AAK1: variants seen among roughly 807,000 people sequenced by gnomAD.
AAK1 encodes AP2 associated kinase 1.
AAK1 carries 37 observed loss-of-function variants against 116.0 expected under a neutral mutation model. The observed-to-expected ratio is 0.32, with a 90% confidence interval of 0.25 to 0.42. The LOEUF (loss-of-function observed/expected upper bound fraction) is 0.42. AAK1 is among the 10% of genes least tolerant of loss of function. AAK1 has a pLI of 1.00. For missense variants in AAK1, 919 were observed against 1,170.6 expected, an observed-to-expected ratio of 0.79 and a Z score of 3.14; for synonymous variants, 458 against 439.9, an observed-to-expected ratio of 1.04 and a Z score of -0.51.
At position 69,474,862 on chromosome 2, in the gene AAK1, G is replaced by C; in HGVS notation, c.*1007C>G. 1.3e-5 allele frequency: 13 copies of C among 985,698 alleles called. No individual in the cohort carries two copies. The highest frequency in any genetic ancestry group is 1.4e-5 in the Non-Finnish European group (12 of 829,884). The allele number at this position is 985,698 out of a possible 1,614,324, so 61.1% of individuals were successfully genotyped here. On this transcript the variant is annotated 3_prime_UTR_variant, in exon 22 of 22. Coordinates refer to ENST00000409085, the MANE Select transcript of AAK1 (RefSeq NM_014911.5). ...AGACTTGAAATGCCAAGTGGAAACA[G>C]AACTATTCAGCATCTTCATTTATAC...
chr2:69,491,914 A>C (rs1675537188), intron 17 of AAK1, among the ~76,000 whole-genome samples: 1 of 152,154 alleles, frequency 6.6e-6, no homozygotes, highest in Admixed American at 6.5e-5. Flanking sequence ...CCAAAGCCTT[A>C]AATTTAGCTC....
At chr2:69,514,884 T>TA (rs1328688380) in intron 12 of AAK1, 135 bp from the exon 13 acceptor site, 18 of 953,692 alleles carry the variant, frequency 1.9e-5, no homozygotes, top group Admixed American at 3.1e-5. Flanking sequence ...AGGCTAGGCC[T>TA]AAAATCTCAT....
chr2:69,486,498 A>G (rs1675307542), intron 17 of AAK1, among the ~76,000 whole-genome samples: 1 of 152,084 alleles, frequency 6.6e-6, no homozygotes, highest in South Asian at 2.1e-4. Flanking sequence ...CTGCAGACAG[A>G]ACAATACCAG....
At chr2:69,502,413 G>C (rs1409998231) in intron 16 of AAK1, among the ~76,000 whole-genome samples, 1 of 152,000 alleles carries the variant, frequency 6.6e-6, no homozygotes, top group Non-Finnish European at 1.5e-5. Flanking sequence ...CCTGAGGTCA[G>C]GAGTTCAAGA....
intron 2 of AAK1, among the ~76,000 whole-genome samples, chr2:69,559,298 A>ACACACACT (rs1265191761): frequency 4.1e-4 from 32 of 78,374 alleles, no homozygotes; most frequent in Non-Finnish European, 2.6e-4. Context: ...ACACACACAC[A>ACACACACT]CTCTCTCTCT....
chr2:69,485,985 T>C (rs1412812850), intron 17 of AAK1, among the ~76,000 whole-genome samples: 4 of 151,458 alleles, frequency 2.6e-5, no homozygotes, highest in Admixed American at 1.3e-4. Context: ...GACAGGATAG[T>C]GCTCTGCCAC....
chr2:69,634,392 C>A (rs1675357458), intron 2 of AAK1, among the ~76,000 whole-genome samples: 1 of 152,182 alleles, frequency 6.6e-6, no homozygotes, highest in Non-Finnish European at 1.5e-5. Flanking sequence ...TCTACCTCTG[C>A]AGGGATGACG....
intron 13 of AAK1, among the ~76,000 whole-genome samples, chr2:69,510,842 G>T (rs544243164): frequency 5.9e-5 from 9 of 152,172 alleles, no homozygotes; most frequent in Non-Finnish European, 1.0e-4. Context: ...AACTGGCAGA[G>T]AATATAAGAA....
chr2:69,624,523 A>G (rs1342418995), intron 2 of AAK1, among the ~76,000 whole-genome samples: 1 of 152,206 alleles, frequency 6.6e-6, no homozygotes, highest in Non-Finnish European at 1.5e-5. Flanking sequence ...AACAATGACA[A>G]TCTATGGGAC....
intron 3 of AAK1, among the ~76,000 whole-genome samples, chr2:69,547,460 T>C (rs771969074): frequency 5.3e-5 from 8 of 152,128 alleles, no homozygotes; most frequent in Non-Finnish European, 1.0e-4. Flanking sequence ...AGGATCTGAA[T>C]AGATATTTTT....
chr2:69,465,406 T>A lies in AAK1; in HGVS notation c.*10463A>T. The A allele has an allele frequency of 7.9e-7, 1 of 1,269,354 alleles. No homozygotes were observed. Among genetic ancestry groups the A allele is most frequent in the Non-Finnish European group, 1.0e-6 (1 of 976,450 alleles). 78.6% of individuals were successfully genotyped at this position (1,269,354 alleles called of 1,614,324 possible). ...GAGGGTGGGATAGAGACAAGAGGCT[T>A]GAGGCTCAGGTTTTGCTCCTAGGGT... On this transcript the variant is annotated 3_prime_UTR_variant, in exon 22 of 22. Coordinates refer to ENST00000409085, the MANE Select transcript of AAK1 (RefSeq NM_014911.5).
At chr2:69,478,233 A>G (rs969498591) in intron 20 of AAK1, among the ~76,000 whole-genome samples, 7 of 152,212 alleles carry the variant, frequency 4.6e-5, no homozygotes, top group Non-Finnish European at 1.0e-4. Context: ...TGATAAAACC[A>G]TTTTACATTC....
intron 5 of AAK1, among the ~76,000 whole-genome samples, chr2:69,537,119 G>T (rs1040790867): frequency 3.9e-5 from 6 of 152,188 alleles, no homozygotes; most frequent in African/African-American, 1.4e-4. Context: ...CTGTGCGGAG[G>T]TTTCCTCACT....
rs1022821580 is a variant in AAK1 at position 69,519,868 on chromosome 2, A to AT, written c.1211-629dup. On this transcript the variant is annotated intron_variant, in intron 11 of 21. Transcript: ENST00000409085. Reference sequence around the variant, plus strand: ...GTCAAAAGAGAGGAGTCTTGTTTCTATTTTTTTTTTAGGCATGTATGAAAA... The same window carrying AT: ...GTCAAAAGAGAGGAGTCTTGTTTCTATTTTTTTTTTTAGGCATGTATGAAAA... Among the ~76,000 whole-genome samples, 7 of 149,538 alleles carry AT rather than the reference A, an allele frequency of 4.7e-5. No homozygotes were observed. The South Asian group carries it at 6.4e-4, about 14-fold the overall frequency.
intron 2 of AAK1, among the ~76,000 whole-genome samples, chr2:69,592,693 T>C (rs13411250): frequency 0.11 from 17,444 of 152,186 alleles, 2,301 homozygotes; most frequent in African/African-American, 0.3. Context: ...TCAAAAATGT[T>C]ACACAAAATT....
In AAK1 at chr2:69,460,121, C is replaced by G. The variant is rs1032788159; in HGVS notation, c.*15748G>C. 2.0e-5 allele frequency: 3 copies of G among 152,410 alleles called. No homozygotes were observed. Among genetic ancestry groups the G allele is most frequent in the African/African-American group, 4.8e-5 (2 of 41,422 alleles). The allele number at this position is 152,410 out of a possible 1,614,324, so 9.4% of individuals were successfully genotyped here. On this transcript the variant is annotated 3_prime_UTR_variant, in exon 22 of 22. Coordinates refer to ENST00000409085, the MANE Select transcript of AAK1 (RefSeq NM_014911.5). ...AAAATAATTTCAGTCCCACATTTCT[C>G]GGATAAAACCACATCTGTGGTTTTA...
At position 69,514,551 on chromosome 2, in the gene AAK1, T is replaced by C; in HGVS notation, c.1696A>G (p.Lys566Glu). 4.5e-6 allele frequency: 7 copies of C among 1,555,284 alleles called. No homozygotes were observed. Among genetic ancestry groups the C allele is most frequent in the Non-Finnish European group, 6.1e-6 (7 of 1,149,190 alleles). ...LMTQQAALQQ[K>E]PTMAAGQQPQ... ...TGCTGTCCTGCTGCCATAGTGGGCT[T>C]TTGCTGCAAGGCAGCCTGCTGAGTC... The change falls in exon 13 of 22, where the codon AAG (lysine) becomes GAG (glutamate). Residue 566 changes from lysine (K) to glutamate (E), a missense_variant. By Grantham distance (56) the Lys-to-Glu change is moderately conservative. Around this residue, in one of 4 missense-constraint regions of AAK1, gnomAD observed 214 missense variants for 210.6 expected, o/e 1.02. Transcript: ENST00000409085.
At chr2:69,634,852 T>A (rs566827318) in intron 2 of AAK1, among the ~76,000 whole-genome samples, 1 of 152,342 alleles carries the variant, frequency 6.6e-6, no homozygotes, top group Non-Finnish European at 1.5e-5. Context: ...ATTGCAATAT[T>A]TTTGGTCTTT....
chr2:69,559,249 ATCTC>A (rs139105045), intron 2 of AAK1, among the ~76,000 whole-genome samples: 22 of 139,570 alleles, frequency 1.6e-4, no homozygotes, highest in Non-Finnish European at 1.2e-4. Flanking sequence ...GGTCTTATCT[ATCTC>A]TCTCTCTCTC....
Sources: allele counts gnomAD v4.1 joint callset (sites outside exome capture counted in the v4.1 genomes callset), GRCh38; gene constraint gnomAD v4.1.1; regional missense constraint gnomAD v4.1.1; transcripts MANE v1.5; gene names NCBI Gene and HGNC (gene_info 2026-07-23, HGNC 2026-07-21).